The following PPA1 variants were observed in gnomAD, a reference collection of about 807,000 sequenced individuals.
The protein encoded by PPA1 is inorganic pyrophosphatase.
In PPA1, 23 loss-of-function variants were observed where a neutral mutation model predicts 41.8. That is an observed-to-expected ratio of 0.55 (90% CI 0.40 to 0.78). The LOEUF is 0.78. Among genes scored for constraint, PPA1 ranks in the 30% least tolerant of loss-of-function variants. The pLI, the probability that PPA1 is intolerant of heterozygous loss-of-function variation, is 0.00. For missense variants in PPA1, 320 were observed against 361.6 expected (o/e 0.89, Z 0.93); for synonymous variants, 101 against 116.8 (o/e 0.86, Z 0.87).
intron 10 of PPA1, 127 bp downstream of exon 10, chr10:70,204,746 A>G (rs535452642): frequency 5.8e-6 from 4 of 695,144 alleles, no homozygotes; most frequent in African/African-American, 5.5e-5. Context: ...TTGTAAACAT[A>G]TATCAAAACA....
chr10:70,202,928 G>T lies in PPA1; in HGVS notation c.*227C>A. On this transcript the variant is annotated 3_prime_UTR_variant, in exon 11 of 11. Coordinates refer to ENST00000373232, the MANE Select transcript of PPA1 (RefSeq NM_021129.4). ...ATCTATTCACAAGTGACTTCCAAAT[G>T]ACAACTGCTTTGATATTTAAGCATG... is the stretch of plus-strand genomic sequence containing the variant. 1 of 542,388 alleles carries T rather than the reference G, an allele frequency of 1.8e-6. No individual in the cohort carries two copies. The highest frequency in any genetic ancestry group is 3.2e-6 in the Non-Finnish European group (1 of 309,408). 33.6% of individuals were successfully genotyped at this position (542,388 alleles called of 1,614,324 possible).
intron 2 of PPA1, among the ~76,000 whole-genome samples, chr10:70,229,978 G>A (rs1190903132): frequency 6.6e-6 from 1 of 151,802 alleles, no homozygotes; most frequent in Non-Finnish European, 1.5e-5. Context: ...GTGCCATCTC[G>A]GCTCACTGCA....
chr10:70,230,361 T>A lies in PPA1; in HGVS notation c.103A>T (p.Ile35Phe). Residue 35 changes from isoleucine to phenylalanine, a missense_variant, in exon 2 of 11, where the codon ATT becomes TTT. Transcript: ENST00000373232. ...CTTACCTTATCTGCATAAATTGGAA[T>A]ATCATGAAATGGAGATATATATTGT... is the stretch of plus-strand genomic sequence containing the variant. ...KGQYISPFHD[I>F]PIYADKDVFH... is the part of the protein sequence containing the mutation. The A allele has an allele frequency of 6.2e-7, 1 of 1,613,354 alleles. No homozygotes were observed. Among genetic ancestry groups the A allele is most frequent in the Non-Finnish European group, 8.5e-7 (1 of 1,179,606 alleles).
intron 2 of PPA1, among the ~76,000 whole-genome samples, chr10:70,221,055 A>AT (rs1232241016): frequency 7.7e-4 from 32 of 41,656 alleles, no homozygotes; most frequent in African/African-American, 4.7e-3. Flanking sequence ...ATATATATAT[A>AT]ATTTATATAT....
intron 2 of PPA1, among the ~76,000 whole-genome samples, chr10:70,220,910 TAATATATATAATTTTTATATATACTA>T (rs1840148173): frequency 1.8e-4 from 3 of 16,872 alleles, no homozygotes; most frequent in African/African-American, 1.5e-3. Flanking sequence ...AATTTATATA[TAATATATATAATTTTTATATATACTA>T]TATATATAAT....
intron 8 of PPA1, among the ~76,000 whole-genome samples, chr10:70,207,143 T>G (rs1839954799): frequency 6.6e-6 from 1 of 152,074 alleles, no homozygotes; most frequent in Admixed American, 6.5e-5. Context: ...TAGGTCTTGA[T>G]AGAGAAATTC....
At chr10:70,216,124 C>A (rs1840078162) in intron 4 of PPA1, among the ~76,000 whole-genome samples, 1 of 152,184 alleles carries the variant, frequency 6.6e-6, no homozygotes, top group Non-Finnish European at 1.5e-5. Context: ...CAAAATCCAA[C>A]CCACAGAAGA....
In PPA1 at chr10:70,209,557, C is replaced by A; in HGVS notation, c.639+1G>T. Reference sequence around the variant, plus strand: ...AGCTACAGTTCTGAATGACATATTACCTTATCTTTAAATTCTGCATTAAAC... The same window carrying A: ...AGCTACAGTTCTGAATGACATATTAACTTATCTTTAAATTCTGCATTAAAC... On this transcript the variant is annotated splice_donor_variant, in intron 7 of 10. Coordinates refer to ENST00000373232, the MANE Select transcript of PPA1 (RefSeq NM_021129.4). LOFTEE classifies it high-confidence loss of function. 1 of 1,597,566 alleles carries A rather than the reference C, an allele frequency of 6.3e-7. No individual in the cohort carries two copies. Among genetic ancestry groups the A allele is most frequent in the Non-Finnish European group, 8.5e-7 (1 of 1,176,162 alleles).
intron 6 of PPA1, 72 bp downstream of exon 6, chr10:70,213,391 G>A (rs2136756734): frequency 6.4e-7 from 1 of 1,555,220 alleles, no homozygotes; most frequent in Non-Finnish European, 8.8e-7. Flanking sequence ...TTACAATTCT[G>A]TCATTATAGG....
At chr10:70,222,377 AAAC>A (rs1236646284) in intron 2 of PPA1, among the ~76,000 whole-genome samples, 25 of 152,028 alleles carry the variant, frequency 1.6e-4, no homozygotes, top group Admixed American at 3.3e-4. Flanking sequence ...GCTGGGCGAA[AAAC>A]AACAAGGAGT....
chr10:70,205,755 C>T (rs1839932669), intron 9 of PPA1: 1 of 152,094 alleles, frequency 6.6e-6, no homozygotes. Flanking sequence ...AAGATGATCT[C>T]GTTCAATTTT....
Position 70,218,052 on chromosome 10 carries a change from T to C in PPA1, c.178-121A>G. 4 of 910,202 alleles carry C rather than the reference T, an allele frequency of 4.4e-6. No homozygotes were observed. The South Asian group carries it at 1.2e-4, about 27-fold the overall frequency. The allele number at this position is 910,202 out of a possible 1,614,324, so 56.4% of individuals were successfully genotyped here. ...AATTCCACTTTAATGATATATTTTATCCCTAACACTTTTATAATTGAACTA... is the reference window on the plus strand; with the variant it reads ...AATTCCACTTTAATGATATATTTTACCCCTAACACTTTTATAATTGAACTA... On this transcript the variant is annotated intron_variant, in intron 3 of 10. Coordinates refer to ENST00000373232, the MANE Select transcript of PPA1 (RefSeq NM_021129.4).
At chr10:70,230,537 C>T in intron 1 of PPA1, 138 bp from the exon 2 acceptor site, 1 of 828,262 alleles carries the variant, frequency 1.2e-6, no homozygotes, top group Non-Finnish European at 1.8e-6. Context: ...TCTTGGCTCA[C>T]TGCCACTTCT....
rs747739153 is a variant in PPA1 at position 70,210,467 on chromosome 10, C to A, written c.512-782G>T. On this transcript the variant is annotated intron_variant, in intron 6 of 10. Transcript: ENST00000373232. ...TAGATTGATATCCATTGATGGGTTACGTATTAAATGTGACTAGACTTTGCT... is the reference window on the plus strand; with the variant it reads ...TAGATTGATATCCATTGATGGGTTAAGTATTAAATGTGACTAGACTTTGCT... 3.0e-6 allele frequency: 4 copies of A among 1,349,500 alleles called. No individual in the cohort carries two copies. The South Asian group carries it at 4.6e-5, about 15-fold the overall frequency. 83.6% of individuals were successfully genotyped at this position (1,349,500 alleles called of 1,614,324 possible). A position where few individuals can be genotyped will look rare whatever the true frequency, so the allele number is the denominator to read the frequency against.
At chr10:70,225,133 G>A (rs531569424) in intron 2 of PPA1, among the ~76,000 whole-genome samples, 1 of 152,164 alleles carries the variant, frequency 6.6e-6, no homozygotes, top group Non-Finnish European at 1.5e-5. Context: ...CTCATTGTGT[G>A]TTTCTCTAGA....
At chr10:70,207,443 AG>A (rs1416788093) in intron 8 of PPA1, among the ~76,000 whole-genome samples, 2 of 152,152 alleles carry the variant, frequency 1.3e-5, no homozygotes, top group Non-Finnish European at 2.9e-5. Flanking sequence ...GAGGTGTGAG[AG>A]GATCACTTAA....
rs1325044417 is a variant in PPA1 at position 70,233,329 on chromosome 10, G to A, written c.-2C>T. 1.2e-5 allele frequency: 18 copies of A among 1,538,102 alleles called. No individual in the cohort carries two copies. The highest frequency in any genetic ancestry group is 2.0e-5 in the Admixed American group (1 of 50,288). ...CTCCTCGGTGCTGAAGCCGCTCATA[G>A]TGCCGGAGTCCTGCCGCCGCCGCTG... On this transcript the variant is annotated 5_prime_UTR_variant, in exon 1 of 11. Coordinates refer to ENST00000373232, the MANE Select transcript of PPA1 (RefSeq NM_021129.4).
chr10:70,202,972 T>C lies in PPA1; in HGVS notation c.*183A>G, dbSNP rs1839899321. On this transcript the variant is annotated 3_prime_UTR_variant, in exon 11 of 11. Coordinates refer to ENST00000373232, the MANE Select transcript of PPA1 (RefSeq NM_021129.4). Reference sequence around the variant, plus strand: ...AAGCATGTGCTAAAAGTTATCTTAGTTGAGATATGAAAAATGCTTTAGATG... The same window carrying C: ...AAGCATGTGCTAAAAGTTATCTTAGCTGAGATATGAAAAATGCTTTAGATG... 1 of 639,726 alleles carries C rather than the reference T, an allele frequency of 1.6e-6. No individual in the cohort carries two copies. Among genetic ancestry groups the C allele is most frequent in the Middle Eastern group, 4.3e-4 (1 of 2,334 alleles). 39.6% of individuals were successfully genotyped at this position (639,726 alleles called of 1,614,324 possible).
chr10:70,230,279 T>C, intron 2 of PPA1, 62 bp downstream of exon 2: 1 of 1,553,582 alleles, frequency 6.4e-7, no homozygotes, highest in Non-Finnish European at 8.8e-7. Context: ...TATAAGAAAA[T>C]TCATATGTAG....
Sources: allele counts gnomAD v4.1 joint callset (sites outside exome capture counted in the v4.1 genomes callset), GRCh38; gene constraint gnomAD v4.1.1; transcripts MANE v1.5; gene names NCBI Gene and HGNC (gene_info 2026-07-23, HGNC 2026-07-21).